Variants in MOB3B observed in about 807,000 individuals in gnomAD.
MOB3B encodes MOB kinase activator-like 2B.
MOB3B carries 7 observed loss-of-function variants against 18.7 expected under a neutral mutation model. The observed-to-expected ratio is 0.37, with a 90% CI of 0.21 to 0.70. MOB3B has a LOEUF of 0.70. Ranked by LOEUF, MOB3B falls within the 30% of genes least tolerant of loss-of-function variation. The pLI is 0.52. For missense variants in MOB3B, 253 were observed against 281.3 expected, an observed-to-expected ratio of 0.90 and a Z score of 0.72; for synonymous variants, 111 against 99.9, an observed-to-expected ratio of 1.11 and a Z score of -0.66.
At chr9:27,485,069 A>G (rs959807722) in intron 1 of MOB3B, among the ~76,000 whole-genome samples, 2 of 152,302 alleles carry the variant, frequency 1.3e-5, no homozygotes, top group Admixed American at 1.3e-4. Context: ...GGCCAGATGG[A>G]CAGTTTCAGC....
intron 3 of MOB3B, among the ~76,000 whole-genome samples, chr9:27,338,324 C>A (rs760830858): frequency 2.0e-5 from 3 of 152,070 alleles, no homozygotes; most frequent in Non-Finnish European, 4.4e-5. Flanking sequence ...TTACAAGCCA[C>A]GTAGGTGGGA....
At position 27,380,494 on chromosome 9, in the gene MOB3B, C is replaced by T. The variant is rs544994624; in HGVS notation, c.419-21258G>A. On this transcript the variant is annotated intron_variant, in intron 2 of 3. Coordinates refer to ENST00000262244, the MANE Select transcript of MOB3B (RefSeq NM_024761.5). ...CCTCGTGATCCACCCGCCTCGGCCT[C>T]CCAAAGTGCTGGGATCACAGGTGTG... is the stretch of plus-strand genomic sequence containing the variant. Among the ~76,000 whole-genome samples, 7 of 152,202 alleles carry T rather than the reference C, an allele frequency of 4.6e-5. No homozygotes were observed. The South Asian group carries it at 1.5e-3, about 32-fold the overall frequency.
At position 27,524,273 on chromosome 9, in the gene MOB3B, G is replaced by A. The variant is rs139617749; in HGVS notation, c.-199+5282C>T. The A allele has an allele frequency of 4.5e-4, 683 of 1,513,846 alleles. 2 individuals are homozygous for A. In the African/African-American group the frequency reaches 8.9e-3, roughly 20 times the overall value. The allele number at this position is 1,513,846 out of a possible 1,614,324, so 93.8% of individuals were successfully genotyped here. ...GATATTCAGGTATATAAAGGCACAT[G>A]AAGGAAAACTCAAAACATCATTGTC... On this transcript the variant is annotated intron_variant, in intron 1 of 3. Transcript: ENST00000262244.
At chr9:27,420,548 C>CATATATATATAT (rs55684272) in intron 2 of MOB3B, among the ~76,000 whole-genome samples, 3 of 31,082 alleles carry the variant, frequency 9.7e-5, no homozygotes, top group Non-Finnish European at 1.6e-4. Context: ...CTGTATATTC[C>CATATATATATAT]ATATATATAT....
At chr9:27,422,353 C>T (rs7034601) in intron 2 of MOB3B, among the ~76,000 whole-genome samples, 78,948 of 152,016 alleles carry the variant, frequency 0.52, 20,958 homozygotes, top group Non-Finnish European at 0.56. Flanking sequence ...CCAACTTCAA[C>T]GCTTTATTTT....
At chr9:27,462,886 T>C (rs1819315779) in intron 1 of MOB3B, among the ~76,000 whole-genome samples, 1 of 152,186 alleles carries the variant, frequency 6.6e-6, no homozygotes, top group African/African-American at 2.4e-5. Context: ...AGACTGGAAA[T>C]TCGAAAATAC....
chr9:27,399,384 A>C (rs1446954331), intron 2 of MOB3B, among the ~76,000 whole-genome samples: 1 of 152,238 alleles, frequency 6.6e-6, no homozygotes, highest in Non-Finnish European at 1.5e-5. Context: ...ACACAAGGGC[A>C]GGTGGAAATG....
At chr9:27,525,045 T>A in intron 1 of MOB3B, 1 of 1,191,442 alleles carries the variant, frequency 8.4e-7, no homozygotes, top group South Asian at 1.6e-5. Flanking sequence ...AGGATTGTTG[T>A]GCTGTCCTGT....
At chr9:27,437,291 AC>A (rs1178701024) in intron 2 of MOB3B, among the ~76,000 whole-genome samples, 1 of 152,158 alleles carries the variant, frequency 6.6e-6, no homozygotes, top group Non-Finnish European at 1.5e-5. Context: ...TGGCATTAAG[AC>A]CTCTTAGAAT....
chr9:27,433,978 G>A (rs1822455568), intron 2 of MOB3B, among the ~76,000 whole-genome samples: 1 of 152,126 alleles, frequency 6.6e-6, no homozygotes, highest in Non-Finnish European at 1.5e-5. Context: ...AAGAGCAGGA[G>A]GTGGAGCCCA....
chr9:27,340,670 G>C (rs7037978), intron 3 of MOB3B, among the ~76,000 whole-genome samples: 120,559 of 151,898 alleles, frequency 0.79, 47,975 homozygotes, highest in Middle Eastern at 0.88. Flanking sequence ...GTATCAACCT[G>C]GCTGATGCAC....
At position 27,326,991 on chromosome 9, in the gene MOB3B, A is replaced by T. The variant is rs575644486; in HGVS notation, c.*3596T>A. 6.3e-5 allele frequency: 10 copies of T among 159,062 alleles called. No individual in the cohort carries two copies. The highest frequency in any genetic ancestry group is 1.7e-4 in the African/African-American group (7 of 41,876). The allele number at this position is 159,062 out of a possible 1,614,324, so 9.9% of individuals were successfully genotyped here. On this transcript the variant is annotated 3_prime_UTR_variant, in exon 4 of 4. Transcript: ENST00000262244. ...AAACTATGGGTCCAAATGGGAGGTC[A>T]TTGAAGACGGGAGAAAAAATAAAAG...
intron 2 of MOB3B, among the ~76,000 whole-genome samples, chr9:27,386,366 C>T (rs763759644): frequency 6.6e-6 from 1 of 152,058 alleles, no homozygotes; most frequent in Non-Finnish European, 1.5e-5. Flanking sequence ...TTCAACAAAG[C>T]CAAAGGAAAT....
chr9:27,466,064 G>A (rs1819378582), intron 1 of MOB3B, among the ~76,000 whole-genome samples: 1 of 152,164 alleles, frequency 6.6e-6, no homozygotes, highest in African/African-American at 2.4e-5. Context: ...CTCAAAAAAT[G>A]GGTTTTTCTT....
chr9:27,519,326 A>T (rs1368941507), intron 1 of MOB3B, among the ~76,000 whole-genome samples: 2 of 152,192 alleles, frequency 1.3e-5, no homozygotes, highest in Non-Finnish European at 2.9e-5. Context: ...TGGACCTCAT[A>T]TCCATAAAGG....
chr9:27,338,721 G>T (rs556286582), intron 3 of MOB3B, among the ~76,000 whole-genome samples: 15 of 152,308 alleles, frequency 9.8e-5, no homozygotes, highest in Non-Finnish European at 1.9e-4. Flanking sequence ...TCGCTGTCGG[G>T]ACCACAGCTG....
At chr9:27,515,213 C>A (rs1820213805) in intron 1 of MOB3B, among the ~76,000 whole-genome samples, 1 of 152,194 alleles carries the variant, frequency 6.6e-6, no homozygotes, top group Non-Finnish European at 1.5e-5. Context: ...TCCCTCAATT[C>A]TGATTTCGTT....
chr9:27,350,963 C>T (rs1312656604), intron 3 of MOB3B, among the ~76,000 whole-genome samples: 1 of 150,072 alleles, frequency 6.7e-6, no homozygotes, highest in Non-Finnish European at 1.5e-5. Flanking sequence ...AGTGTGATGG[C>T]ACGATCTCGG....
At chr9:27,354,877 C>T (rs1159871982) in intron 3 of MOB3B, among the ~76,000 whole-genome samples, 1 of 152,174 alleles carries the variant, frequency 6.6e-6, no homozygotes, top group Non-Finnish European at 1.5e-5. Context: ...AGACAGAATT[C>T]AGGAACATCC....
Sources: allele counts gnomAD v4.1 joint callset (sites outside exome capture counted in the v4.1 genomes callset), GRCh38; gene constraint gnomAD v4.1.1; transcripts MANE v1.5; gene names NCBI Gene and HGNC (gene_info 2026-07-23, HGNC 2026-07-21).